Variants in TTC28 observed in about 807,000 individuals in gnomAD.
TTC28 encodes tetratricopeptide repeat protein 28.
Under a neutral mutation model 198.0 loss-of-function variants are expected in TTC28, and 61 were observed. The observed-to-expected ratio is 0.31, with a 90% confidence interval of 0.25 to 0.38. The LOEUF (loss-of-function observed/expected upper bound fraction) is 0.38, where lower values mean the gene tolerates loss of function less well. TTC28 is among the 10% of genes least tolerant of loss of function. The pLI is 1.00. For missense variants in TTC28, 2,678 were observed against 3,164.0 expected, an observed-to-expected ratio of 0.85 and a Z score of 3.69; for synonymous variants, 1,171 against 1,297.8, an observed-to-expected ratio of 0.90 and a Z score of 2.10.
intron 1 of TTC28, among the ~76,000 whole-genome samples, chr22:28,643,440 A>G (rs2146242884): frequency 6.6e-6 from 1 of 152,346 alleles, no homozygotes; most frequent in South Asian, 2.1e-4. Context: ...ACCCTGAAGC[A>G]CAATTGCCAT....
chr22:28,598,762 A>C (rs2037451054), intron 2 of TTC28, among the ~76,000 whole-genome samples: 1 of 152,184 alleles, frequency 6.6e-6, no homozygotes, highest in South Asian at 2.1e-4. Context: ...TAAATCTGCT[A>C]ATGTTGAGGT....
intron 6 of TTC28, among the ~76,000 whole-genome samples, chr22:28,135,022 T>A (rs1943166190): frequency 6.6e-6 from 1 of 152,228 alleles, no homozygotes; most frequent in South Asian, 2.1e-4. Flanking sequence ...TCTTTTCTCA[T>A]TAAATCTAAG....
At chr22:28,478,325 C>T (rs6005789) in intron 2 of TTC28, among the ~76,000 whole-genome samples, 6,422 of 152,052 alleles carry the variant, frequency 0.042, 155 homozygotes, top group East Asian at 0.054. Context: ...CTGGCCAACA[C>T]GGCGAAACCC....
rs540765706 is a variant in TTC28, at chr22:28,512,971, TA to T, written c.381+116580del. ...AGAGAAAGTTATCTTTTGAATATTTTAACCTGGATTTTTTTTTTTTTTTTTT... is the reference window on the plus strand; with the variant it reads ...AGAGAAAGTTATCTTTTGAATATTTTACCTGGATTTTTTTTTTTTTTTTTT... On this transcript the variant is annotated intron_variant, in intron 2 of 22. Transcript: ENST00000397906. Among the ~76,000 whole-genome samples, 441 of 142,104 alleles carry T rather than the reference TA, an allele frequency of 3.1e-3. 4 individuals carry two copies. The highest frequency in any genetic ancestry group is 0.011 in the African/African-American group (423 of 39,068). 93.2% of individuals were successfully genotyped at this position (142,104 alleles called of 152,430 possible).
rs1190237234 is a variant in TTC28 at position 28,585,988 on chromosome 22, AAAG to A, written c.381+43561_381+43563del. Among the ~76,000 whole-genome samples the A allele has an allele frequency of 5.7e-4, 87 of 152,104 alleles. 1 individual carries two copies. Among genetic ancestry groups the A allele is most frequent in the Admixed American group, 2.7e-3 (41 of 15,262 alleles). On this transcript the variant is annotated intron_variant, in intron 2 of 22. Coordinates refer to ENST00000397906, the MANE Select transcript of TTC28 (RefSeq NM_001145418.2). ...ACTTAAGGTACAATTAAAAAAAAAA[AAAG>A]AAGAAGAAGCCGGGTGCGGTGGCTC...
intron 2 of TTC28, among the ~76,000 whole-genome samples, chr22:28,375,009 G>A (rs1011707687): frequency 6.6e-6 from 1 of 151,876 alleles, no homozygotes; most frequent in Admixed American, 6.6e-5. Context: ...GATCGCCTGA[G>A]CCCAAGACTT....
At chr22:27,994,011 C>A (rs1937506298) in intron 17 of TTC28, among the ~76,000 whole-genome samples, 1 of 152,238 alleles carries the variant, frequency 6.6e-6, no homozygotes, top group Non-Finnish European at 1.5e-5. Context: ...GAGCCTATAC[C>A]TCCCTCCACC....
At chr22:28,394,858 T>C (rs996758385) in intron 2 of TTC28, among the ~76,000 whole-genome samples, 7 of 152,256 alleles carry the variant, frequency 4.6e-5, no homozygotes, top group Middle Eastern at 3.4e-3. Context: ...GCTTGATATT[T>C]TGTCTCTCTC....
chr22:28,233,393 T>C (rs1928965543), intron 5 of TTC28, among the ~76,000 whole-genome samples: 1 of 152,352 alleles, frequency 6.6e-6, no homozygotes. Flanking sequence ...GAGATATCTC[T>C]ATACCTCACA....
Position 27,983,001 on chromosome 22 carries a change from C to CTGA in TTC28, c.6663_6665dup (p.His2221dup). On this transcript the variant is annotated inframe_insertion, in exon 23 of 23. Coordinates refer to ENST00000397906, the MANE Select transcript of TTC28 (RefSeq NM_001145418.2). The stretch of plus-strand genomic sequence containing the variant: ...CAGTGACTGGTGATGGCTGACTCTT[C>CTGA]TGATGGGAGAGAACAGGCCTGCTGA... 1 of 1,551,708 alleles carries CTGA rather than the reference C, an allele frequency of 6.4e-7. No individual in the cohort carries two copies. The highest frequency in any genetic ancestry group is 8.7e-7 in the Non-Finnish European group (1 of 1,146,978).
intron 2 of TTC28, among the ~76,000 whole-genome samples, chr22:28,314,153 A>T (rs1051388754): frequency 1.3e-5 from 2 of 152,214 alleles, no homozygotes; most frequent in Non-Finnish European, 2.9e-5. Flanking sequence ...TATAACTTAC[A>T]AGGGATGTGA....
At chr22:28,175,604 A>C (rs1362570629) in intron 5 of TTC28, among the ~76,000 whole-genome samples, 3 of 151,994 alleles carry the variant, frequency 2.0e-5, no homozygotes, top group Admixed American at 6.6e-5. Context: ...ACGGTGGTGC[A>C]TGCCTGTAAT....
At chr22:28,155,205 T>C (rs1477682375) in intron 6 of TTC28, among the ~76,000 whole-genome samples, 1 of 152,238 alleles carries the variant, frequency 6.6e-6, no homozygotes, top group African/African-American at 2.4e-5. Flanking sequence ...GTATACAGAA[T>C]CAAACAAATC....
chr22:28,003,660 T>C (rs564148470), intron 14 of TTC28, among the ~76,000 whole-genome samples: 2 of 152,302 alleles, frequency 1.3e-5, no homozygotes, highest in South Asian at 4.1e-4. Context: ...GGAGGGAAGC[T>C]TGGCAAGCTG....
chr22:28,446,050 T>C (rs758877463), intron 2 of TTC28, among the ~76,000 whole-genome samples: 1 of 152,044 alleles, frequency 6.6e-6, no homozygotes, highest in African/African-American at 2.4e-5. Flanking sequence ...AGAAACAAGA[T>C]AATGAAGAGA....
At chr22:28,529,084 C>T (rs2049072920) in intron 2 of TTC28, among the ~76,000 whole-genome samples, 1 of 152,142 alleles carries the variant, frequency 6.6e-6, no homozygotes, top group Non-Finnish European at 1.5e-5. Context: ...GTGCAGCCCA[C>T]AGAGTGTGAG....
intron 2 of TTC28, among the ~76,000 whole-genome samples, chr22:28,489,270 C>G (rs2048346672): frequency 6.7e-6 from 1 of 148,282 alleles, no homozygotes; most frequent in East Asian, 2.0e-4. Flanking sequence ...GGTGACAGAG[C>G]AAGATCCTAT....
intron 14 of TTC28, among the ~76,000 whole-genome samples, chr22:28,003,666 A>C (rs1937806288): frequency 6.6e-6 from 1 of 152,252 alleles, no homozygotes; most frequent in South Asian, 2.1e-4. Context: ...AAGCTTGGCA[A>C]GCTGAAAAAT....
chr22:28,225,377 GAA>G (rs1928240122), intron 5 of TTC28, among the ~76,000 whole-genome samples: 2 of 145,964 alleles, frequency 1.4e-5, no homozygotes, highest in Admixed American at 1.3e-4. Context: ...AAAAGAAGAA[GAA>G]GAAGAAGAAG....
Sources: allele counts gnomAD v4.1 joint callset (sites outside exome capture counted in the v4.1 genomes callset), GRCh38; gene constraint gnomAD v4.1.1; transcripts MANE v1.5; gene names NCBI Gene and HGNC (gene_info 2026-07-23, HGNC 2026-07-21).